Variants in SLC25A48 observed in about 807,000 individuals in gnomAD.
SLC25A48 encodes CTC-321K16.1.
Under a neutral mutation model 32.2 loss-of-function variants are expected in SLC25A48, and 29 were observed. The observed-to-expected ratio is 0.90, with a 90% confidence interval of 0.67 to 1.23. The LOEUF (loss-of-function observed/expected upper bound fraction) is 1.23. Among genes scored for constraint, SLC25A48 ranks in the 50% most tolerant of loss-of-function variants. The pLI is 0.00. For missense variants in SLC25A48, 399 were observed against 422.7 expected, an observed-to-expected ratio of 0.94 and a Z score of 0.49; for synonymous variants, 164 against 172.3, an observed-to-expected ratio of 0.95 and a Z score of 0.38.
At chr5:135,592,575 TGGAAAA>T in intron 1 of SLC25A48, among the ~76,000 whole-genome samples, 1 of 151,996 alleles carries the variant, frequency 6.6e-6, no homozygotes, top group East Asian at 1.9e-4. Flanking sequence ...TTAAATCTCT[TGGAAAA>T]GGAAAGTGGC....
chr5:135,619,388 A>AT, intron 1 of SLC25A48, among the ~76,000 whole-genome samples: 1 of 151,864 alleles, frequency 6.6e-6, no homozygotes. Flanking sequence ...TTTTTGGTAA[A>AT]TTTCTCTTTC....
At chr5:135,708,974 G>A (rs1448931252) in intron 3 of SLC25A48, among the ~76,000 whole-genome samples, 28 of 152,272 alleles carry the variant, frequency 1.8e-4, no homozygotes. Flanking sequence ...TTTATTGGTA[G>A]TGTTTTTATT....
At chr5:135,653,458 A>T (rs1244871986) in intron 3 of SLC25A48, among the ~76,000 whole-genome samples, 4 of 152,236 alleles carry the variant, frequency 2.6e-5, no homozygotes, top group Admixed American at 6.5e-5. Context: ...GCCTTCAGGA[A>T]TTAAGGTTTT....
intron 5 of SLC25A48, among the ~76,000 whole-genome samples, chr5:135,872,996 G>T: frequency 6.6e-6 from 1 of 152,188 alleles, no homozygotes; most frequent in East Asian, 1.9e-4. Flanking sequence ...TCTCACTTTT[G>T]CAGAGAGCAG....
chr5:135,799,628 T>A (rs1389488126), intron 3 of SLC25A48, among the ~76,000 whole-genome samples: 1 of 151,664 alleles, frequency 6.6e-6, no homozygotes. Context: ...TCACCCACCA[T>A]GTAATATTGT....
At chr5:135,695,925 C>T (rs1238816029) in intron 3 of SLC25A48, among the ~76,000 whole-genome samples, 2 of 152,182 alleles carry the variant, frequency 1.3e-5, no homozygotes, top group African/African-American at 2.4e-5. Flanking sequence ...AGGATGTTTG[C>T]CCCTTCACAG....
At position 135,820,006 on chromosome 5, in the gene SLC25A48, A is replaced by G. The variant is rs1007599690; in HGVS notation, c.-117+7080A>G. Among the ~76,000 whole-genome samples, 5 of 152,172 alleles carry G rather than the reference A, an allele frequency of 3.3e-5. 1 individual carries two copies. The highest frequency in any genetic ancestry group is 5.9e-5 in the Non-Finnish European group (4 of 68,014). On this transcript the variant is annotated intron_variant, in intron 4 of 10. Transcript: ENST00000646290. ...TCATTTTATATTCCATAAAATGGAA[A>G]CAGTTTGGCAGTTTCTTATTTAGTT...
chr5:135,588,838 C>T (rs1751437720), intron 1 of SLC25A48, among the ~76,000 whole-genome samples: 1 of 152,164 alleles, frequency 6.6e-6, no homozygotes, highest in Non-Finnish European at 1.5e-5. Context: ...GCCTTGAATG[C>T]TGCATCAGGA....
intron 4 of SLC25A48, among the ~76,000 whole-genome samples, chr5:135,862,386 C>T (rs1760868425): frequency 6.6e-6 from 1 of 152,244 alleles, no homozygotes. Flanking sequence ...TCTGTGCTGA[C>T]TATCCTAATC....
At chr5:135,855,529 G>C (rs1004661043) in intron 4 of SLC25A48, among the ~76,000 whole-genome samples, 2 of 152,198 alleles carry the variant, frequency 1.3e-5, no homozygotes, top group Admixed American at 1.3e-4. Flanking sequence ...AAGAACACAC[G>C]ATTAGCCACT....
At chr5:135,828,529 C>A (rs1469829648) in intron 4 of SLC25A48, among the ~76,000 whole-genome samples, 3 of 152,228 alleles carry the variant, frequency 2.0e-5, no homozygotes, top group Non-Finnish European at 4.4e-5. Flanking sequence ...AGGATCATAG[C>A]CCTTCTGAGG....
chr5:135,869,654 C>T (rs984599629), intron 4 of SLC25A48, among the ~76,000 whole-genome samples: 2 of 152,182 alleles, frequency 1.3e-5, no homozygotes, highest in African/African-American at 2.4e-5. Context: ...ACAATGACAT[C>T]TATTCTGTCT....
intron 3 of SLC25A48, among the ~76,000 whole-genome samples, chr5:135,639,751 A>C (rs929611298): frequency 6.6e-6 from 1 of 152,234 alleles, no homozygotes; most frequent in Non-Finnish European, 1.5e-5. Context: ...AAACTAGATC[A>C]GTTCTAACAA....
At chr5:135,754,259 T>C (rs964136653) in intron 3 of SLC25A48, among the ~76,000 whole-genome samples, 2 of 150,896 alleles carry the variant, frequency 1.3e-5, no homozygotes, top group African/African-American at 4.9e-5. Flanking sequence ...TTCTCAAGGG[T>C]ATTATTATGC....
At chr5:135,849,941 A>G (rs1367494754) in intron 2 of SLC25A48, among the ~76,000 whole-genome samples, 1 of 152,160 alleles carries the variant, frequency 6.6e-6, no homozygotes, top group Non-Finnish European at 1.5e-5. Context: ...GAAAATGATC[A>G]GTCTGCCTGT....
intron 3 of SLC25A48, among the ~76,000 whole-genome samples, chr5:135,725,355 G>C (rs1283704031): frequency 6.6e-6 from 1 of 152,180 alleles, no homozygotes; most frequent in Non-Finnish European, 1.5e-5. Flanking sequence ...AGTGGGGGCT[G>C]GTGGAGTGGT....
At chr5:135,884,531 G>A (rs1311762283) in intron 7 of SLC25A48, among the ~76,000 whole-genome samples, 1 of 152,124 alleles carries the variant, frequency 6.6e-6, no homozygotes, top group African/African-American at 2.4e-5. Context: ...GGACAGCCAT[G>A]AGGGACTCCA....
At chr5:135,661,809 C>T (rs1332318376) in intron 3 of SLC25A48, among the ~76,000 whole-genome samples, 1 of 152,110 alleles carries the variant, frequency 6.6e-6, no homozygotes, top group Non-Finnish European at 1.5e-5. Flanking sequence ...CCGTATTAAC[C>T]TGGGGATCTG....
chr5:135,709,546 G>T (rs2094813943), intron 3 of SLC25A48, among the ~76,000 whole-genome samples: 1 of 152,202 alleles, frequency 6.6e-6, no homozygotes, highest in Admixed American at 6.5e-5. Flanking sequence ...ATTTTAGTAA[G>T]CTAACTCTGG....
Sources: gnomAD v4.1 joint callset for allele counts (sites outside exome capture counted in the v4.1 genomes callset) on GRCh38, gnomAD v4.1.1 for gene constraint, MANE v1.5 for transcripts, NCBI Gene and HGNC (gene_info 2026-07-23, HGNC 2026-07-21) for gene names.